ROBO2: variants seen among roughly 807,000 people sequenced by gnomAD.
The protein encoded by ROBO2 is roundabout homolog 2.
ROBO2 carries 53 observed loss-of-function variants against 160.8 expected under a neutral mutation model. The ratio of observed to expected loss-of-function variants is 0.33; its 90% CI spans 0.26 to 0.41. The LOEUF (loss-of-function observed/expected upper bound fraction) is 0.41, where lower values mean the gene tolerates loss of function less well. Among genes scored for constraint, ROBO2 ranks in the 10% least tolerant of loss-of-function variants. ROBO2 has a pLI of 1.00. For missense variants in ROBO2, 1,577 were observed against 1,722.4 expected, an observed-to-expected ratio of 0.92 and a Z score of 1.49; for synonymous variants, 664 against 611.7, an observed-to-expected ratio of 1.09 and a Z score of -1.26.
At chr3:76,082,168 C>T (rs1284206997) in intron 2 of ROBO2, among the ~76,000 whole-genome samples, 1 of 152,016 alleles carries the variant, frequency 6.6e-6, no homozygotes, top group African/African-American at 2.4e-5. Flanking sequence ...AATTTCAATC[C>T]ATTGTGTTAC....
chr3:76,150,403 T>C, intron 2 of ROBO2, among the ~76,000 whole-genome samples: 1 of 151,166 alleles, frequency 6.6e-6, no homozygotes, highest in Non-Finnish European at 1.5e-5. Context: ...AACACACATC[T>C]GTCTAAAGCA....
chr3:75,948,863 A>G (rs1948428754), intron 2 of ROBO2, among the ~76,000 whole-genome samples: 3 of 152,108 alleles, frequency 2.0e-5, no homozygotes, highest in Admixed American at 2.0e-4. Context: ...ATCTGCAAAC[A>G]CCTTCAAATC....
intron 2 of ROBO2, among the ~76,000 whole-genome samples, chr3:77,179,405 A>G (rs1403079931): frequency 2.0e-5 from 3 of 152,020 alleles, no homozygotes; most frequent in Non-Finnish European, 4.4e-5. Flanking sequence ...TCATTTTTTC[A>G]TATAGCTCAT....
chr3:75,990,719 T>C (rs572154462), intron 2 of ROBO2, among the ~76,000 whole-genome samples: 28 of 152,340 alleles, frequency 1.8e-4, no homozygotes, highest in African/African-American at 6.7e-4. Context: ...AAATATACAT[T>C]CATGTTTTTG....
chr3:75,955,119 C>A (rs940524537), intron 2 of ROBO2, among the ~76,000 whole-genome samples: 3 of 151,808 alleles, frequency 2.0e-5, no homozygotes, highest in African/African-American at 7.2e-5. Flanking sequence ...CCAATAGAAA[C>A]AAATTCATTT....
chr3:77,348,217 G>T (rs563617667), intron 2 of ROBO2, among the ~76,000 whole-genome samples: 1 of 152,046 alleles, frequency 6.6e-6, no homozygotes, highest in Non-Finnish European at 1.5e-5. Flanking sequence ...TTTAAAGAAC[G>T]GCTACTCCAC....
chr3:77,263,190 A>G (rs1047825965), intron 2 of ROBO2, among the ~76,000 whole-genome samples: 4 of 152,190 alleles, frequency 2.6e-5, no homozygotes, highest in Non-Finnish European at 5.9e-5. Context: ...AATAGACATG[A>G]CTTCAGAGAG....
intron 2 of ROBO2, among the ~76,000 whole-genome samples, chr3:77,188,438 A>T (rs1243324916): frequency 1.3e-5 from 2 of 151,844 alleles, no homozygotes; most frequent in African/African-American, 4.8e-5. Flanking sequence ...CCTGCTTCTC[A>T]TCAGTGCCCC....
chr3:77,649,850 C>T (rs1260470486), exon 26 of ROBO2: 1 of 151,912 alleles, frequency 6.6e-6, no homozygotes, highest in Non-Finnish European at 1.5e-5. Flanking sequence ...TAATGTGTTT[C>T]ATTTGATGTT....
At chr3:77,163,652 T>C (rs1376171556) in intron 2 of ROBO2, among the ~76,000 whole-genome samples, 1 of 152,242 alleles carries the variant, frequency 6.6e-6, no homozygotes, top group East Asian at 1.9e-4. Context: ...TTCATGTGTT[T>C]GATGTCTGTT....
At chr3:76,309,209 A>AAG (rs2071460752) in intron 2 of ROBO2, among the ~76,000 whole-genome samples, 1 of 152,210 alleles carries the variant, frequency 6.6e-6, no homozygotes, top group Admixed American at 6.5e-5. Context: ...CTTGCATTTA[A>AAG]AGAGAGAGGA....
At chr3:76,116,914 T>G (rs2108267027) in intron 2 of ROBO2, among the ~76,000 whole-genome samples, 1 of 152,266 alleles carries the variant, frequency 6.6e-6, no homozygotes, top group African/African-American at 2.4e-5. Flanking sequence ...ATCAAGACAT[T>G]ACTCTAGCTA....
At chr3:77,515,714 A>T (rs1248481466) in intron 5 of ROBO2, among the ~76,000 whole-genome samples, 5 of 151,822 alleles carry the variant, frequency 3.3e-5, no homozygotes, top group Non-Finnish European at 1.5e-5. Context: ...TTGAATGCCT[A>T]TATTGTCCCT....
At chr3:76,099,743 G>C (rs1227997009) in intron 2 of ROBO2, among the ~76,000 whole-genome samples, 1 of 151,880 alleles carries the variant, frequency 6.6e-6, no homozygotes, top group Non-Finnish European at 1.5e-5. Context: ...AAAATGTTTT[G>C]GAATATGGCT....
chr3:76,647,769 A>G (rs748945347), intron 2 of ROBO2, among the ~76,000 whole-genome samples: 7 of 152,124 alleles, frequency 4.6e-5, no homozygotes, highest in Non-Finnish European at 1.0e-4. Context: ...GGAAGAATAC[A>G]GTAATTGTCA....
chr3:76,625,896 C>T (rs2089608685), intron 2 of ROBO2, among the ~76,000 whole-genome samples: 1 of 151,916 alleles, frequency 6.6e-6, no homozygotes, highest in African/African-American at 2.4e-5. Context: ...ATTCTATTGC[C>T]TTTGGTGTGT....
chr3:77,423,420 A>C (rs2153534233), intron 2 of ROBO2, among the ~76,000 whole-genome samples: 1 of 152,320 alleles, frequency 6.6e-6, no homozygotes, highest in Admixed American at 6.5e-5. Flanking sequence ...TAAACATTTA[A>C]AATAAACAAT....
chr3:77,114,754 T>TA, intron 2 of ROBO2, among the ~76,000 whole-genome samples: 1 of 152,296 alleles, frequency 6.6e-6, no homozygotes, highest in East Asian at 1.9e-4. Context: ...AAAGAGAAAA[T>TA]AATTTTTTTA....
intron 2 of ROBO2, among the ~76,000 whole-genome samples, chr3:75,987,485 C>T (rs1332488617): frequency 4.0e-5 from 6 of 151,682 alleles, no homozygotes; most frequent in Admixed American, 2.6e-4. Context: ...TAAAGTATTA[C>T]GCTGTGTACA....
Sources: gnomAD v4.1 joint callset for allele counts (sites outside exome capture counted in the v4.1 genomes callset) on GRCh38, gnomAD v4.1.1 for gene constraint, MANE v1.5 for transcripts, NCBI Gene and HGNC (gene_info 2026-07-23, HGNC 2026-07-21) for gene names.